Variants in STRN3 observed in about 807,000 individuals in gnomAD.
The protein encoded by STRN3 is striatin 3.
In STRN3, 29 loss-of-function variants were observed where a neutral mutation model predicts 95.6. That is an observed-to-expected ratio of 0.30 (90% CI 0.23 to 0.41). The LOEUF is 0.41. STRN3 is among the 10% of genes least tolerant of loss of function. The probability of loss-of-function intolerance (pLI) is 1.00; values close to 1 mark genes in which losing one functional copy is unlikely to be tolerated. For synonymous variants in STRN3, 331 were observed against 357.6 expected (o/e 0.93, Z 0.84); for missense variants, 890 against 972.1 (o/e 0.92, Z 1.12).
chr14:31,007,842 T>C (rs1024566735), intron 1 of STRN3, among the ~76,000 whole-genome samples: 4 of 152,088 alleles, frequency 2.6e-5, no homozygotes, highest in Admixed American at 2.0e-4. Context: ...CAGTAAGCTA[T>C]GATCCCACCA....
intron 4 of STRN3, among the ~76,000 whole-genome samples, chr14:30,949,749 T>C (rs1879549475): frequency 6.6e-6 from 1 of 152,036 alleles, no homozygotes; most frequent in South Asian, 2.1e-4. Flanking sequence ...AGCCTTCACA[T>C]TTTCCATGAA....
At chr14:30,925,138 T>C (rs1267588671) in intron 8 of STRN3, among the ~76,000 whole-genome samples, 1 of 151,464 alleles carries the variant, frequency 6.6e-6, no homozygotes, top group Non-Finnish European at 1.5e-5. Context: ...TTATATTGTA[T>C]ATCTCACTTA....
intron 1 of STRN3, among the ~76,000 whole-genome samples, chr14:31,003,817 A>AAAATT (rs562797027): frequency 7.9e-6 from 1 of 127,272 alleles, no homozygotes; most frequent in Non-Finnish European, 1.8e-5. Flanking sequence ...AAAAAAAAAA[A>AAAATT]CTTGGTAGCA....
chr14:30,912,347 T>C, intron 10 of STRN3, 165 bp from the exon 11 acceptor site: 1 of 521,790 alleles, frequency 1.9e-6, no homozygotes, highest in Non-Finnish European at 3.1e-6. Context: ...AAAAAAACTT[T>C]ATCATTTAAT....
At chr14:30,939,705 C>G (rs1329291276) in intron 5 of STRN3, among the ~76,000 whole-genome samples, 2 of 152,130 alleles carry the variant, frequency 1.3e-5, no homozygotes, top group Non-Finnish European at 2.9e-5. Context: ...CCCCATCCTT[C>G]TCTATCTTTG....
At chr14:30,905,266 A>G (rs1296700519) in intron 15 of STRN3, 152 bp downstream of exon 15, 3 of 846,394 alleles carry the variant, frequency 3.5e-6, no homozygotes, top group Non-Finnish European at 5.0e-6. Context: ...AAAAGCAGAC[A>G]TAATATAAAT....
chr14:30,910,991 T>C, intron 13 of STRN3, 50 bp downstream of exon 13: 2 of 1,580,834 alleles, frequency 1.3e-6, no homozygotes, highest in Non-Finnish European at 1.7e-6. Flanking sequence ...GTATTTACTT[T>C]TGTCAGCTCC....
intron 13 of STRN3, among the ~76,000 whole-genome samples, chr14:30,908,898 T>A (rs1372648943): frequency 6.6e-6 from 1 of 152,224 alleles, no homozygotes; most frequent in Non-Finnish European, 1.5e-5. Context: ...TTAACTTCAA[T>A]CGAGATCTCT....
intron 3 of STRN3, 97 bp from the exon 4 acceptor site, chr14:30,951,041 CTATTTTA>C (rs1439778410): frequency 7.8e-6 from 8 of 1,019,876 alleles, no homozygotes; most frequent in Middle Eastern, 2.3e-4. Flanking sequence ...AAAAACATAC[CTATTTTA>C]TAAAGGACAG....
intron 1 of STRN3, among the ~76,000 whole-genome samples, chr14:31,016,021 A>G (rs897540567): frequency 2.6e-5 from 4 of 152,230 alleles, no homozygotes; most frequent in Admixed American, 6.5e-5. Flanking sequence ...ATACCACTGC[A>G]TAACTACCAA....
intron 9 of STRN3, among the ~76,000 whole-genome samples, chr14:30,914,745 C>T (rs935765506): frequency 6.6e-6 from 1 of 152,182 alleles, no homozygotes; most frequent in Admixed American, 6.5e-5. Flanking sequence ...TAATCTTGAC[C>T]ACAGAGCTTT....
At chr14:30,921,608 T>A (rs1311018225) in intron 8 of STRN3, among the ~76,000 whole-genome samples, 1 of 152,182 alleles carries the variant, frequency 6.6e-6, no homozygotes, top group African/African-American at 2.4e-5. Context: ...AACTGCAAAT[T>A]TAATGTCTTT....
intron 4 of STRN3, among the ~76,000 whole-genome samples, chr14:30,948,256 T>C (rs1170270419): frequency 3.3e-5 from 5 of 152,140 alleles, no homozygotes; most frequent in African/African-American, 4.8e-5. Context: ...CCATATAGTG[T>C]CTATAAAAAA....
intron 7 of STRN3, among the ~76,000 whole-genome samples, chr14:30,933,297 A>AC (rs1878643492): frequency 2.0e-5 from 3 of 150,496 alleles, no homozygotes; most frequent in South Asian, 2.1e-4. Context: ...AAAAAAAAAA[A>AC]AAAAAAAACG....
rs752565769 is a variant in STRN3, at chr14:30,929,215, T to C, written c.1085A>G (p.Lys362Arg). ...TCTGCACTTACTCTTCACCCCTTTC[T>C]TCCCCTTTCGTTCCTTCTTGTACTG... Reference protein sequence around the residue: ...KEQYKKERKGKKGVKRANRTK... With the variant: ...KEQYKKERKGRKGVKRANRTK... The change falls in exon 8 of 18, where the codon AAG becomes AGG. Residue 362 changes from lysine to arginine, a missense_variant. By Grantham distance (26) the Lys-to-Arg change is conservative. Around this residue, in one of 3 missense-constraint regions of STRN3, gnomAD observed 526 missense variants for 526.3 expected, o/e 1.00. Transcript: ENST00000357479. 27 of 1,609,736 alleles carry C rather than the reference T, an allele frequency of 1.7e-5. No homozygotes were observed. Among genetic ancestry groups the C allele is most frequent in the Non-Finnish European group, 2.3e-5 (27 of 1,178,352 alleles).
intron 16 of STRN3, among the ~76,000 whole-genome samples, chr14:30,901,728 AAAC>A (rs1213989804): frequency 1.3e-5 from 2 of 152,276 alleles, no homozygotes; most frequent in East Asian, 3.9e-4. Flanking sequence ...AACAAACAAA[AAAC>A]AACCACACAT....
At chr14:30,981,104 G>C (rs556375740) in intron 1 of STRN3, among the ~76,000 whole-genome samples, 1 of 152,046 alleles carries the variant, frequency 6.6e-6, no homozygotes, top group African/African-American at 2.4e-5. Context: ...AGCCAGCCAG[G>C]CGTTCAAGAC....
chr14:30,960,595 C>A (rs1172083013), intron 1 of STRN3, among the ~76,000 whole-genome samples: 1 of 151,918 alleles, frequency 6.6e-6, no homozygotes, highest in Non-Finnish European at 1.5e-5. Flanking sequence ...TGAGGCTGGG[C>A]GCGGTGGCTC....
chr14:30,923,462 G>A (rs1003732654), intron 8 of STRN3, among the ~76,000 whole-genome samples: 1 of 152,048 alleles, frequency 6.6e-6, no homozygotes, highest in African/African-American at 2.4e-5. Flanking sequence ...TGCAACACCA[G>A]TAACGGAGAG....
Sources: gnomAD v4.1 joint callset for allele counts (sites outside exome capture counted in the v4.1 genomes callset) on GRCh38, gnomAD v4.1.1 for gene constraint, gnomAD v4.1.1 regional missense constraint, MANE v1.5 for transcripts, NCBI Gene and HGNC (gene_info 2026-07-23, HGNC 2026-07-21) for gene names.